CYP4A11: variants seen among roughly 807,000 people sequenced by gnomAD.
CYP4A11 encodes cytochrome P450 family 4 subfamily A member 11, also known as cytochrome P450 4A11.
CYP4A11 carries 52 observed loss-of-function variants against 57.7 expected under a neutral mutation model. That is an observed-to-expected ratio of 0.90 (90% CI 0.72 to 1.14). The LOEUF (loss-of-function observed/expected upper bound fraction) is 1.14, where lower values mean the gene tolerates loss of function less well. Ranked by LOEUF, CYP4A11 falls within the 50% of genes most tolerant of loss-of-function variation. CYP4A11 has a pLI of 0.00. For missense variants in CYP4A11, 641 were observed against 642.1 expected (o/e 1.00, Z 0.02); for synonymous variants, 228 against 247.1 (o/e 0.92, Z 0.72).
chr1:46,935,642 T>G lies in CYP4A11; in HGVS notation c.516A>C (p.Lys172Asn). The part of the protein sequence containing the change: ...MADSVRVMLD[K>N]WEELLGQDSP... Reference sequence around the variant, plus strand: ...AATCCTGGCCAAGGAGCTCTTCCCATTTGTCCTGTGGTGGGAGGGGGCATG... The same window carrying G: ...AATCCTGGCCAAGGAGCTCTTCCCAGTTGTCCTGTGGTGGGAGGGGGCATG... Residue 172 changes from lysine to asparagine, a missense_variant, in exon 5 of 12, where the codon AAA (lysine) becomes AAC (asparagine). Coordinates refer to ENST00000310638, the MANE Select transcript of CYP4A11 (RefSeq NM_000778.4). 2 of 1,613,366 alleles carry G rather than the reference T, an allele frequency of 1.2e-6. No individual in the cohort carries two copies. Among genetic ancestry groups the G allele is most frequent in the East Asian group, 4.5e-5 (2 of 44,866 alleles).
intron 9 of CYP4A11, among the ~76,000 whole-genome samples, chr1:46,933,453 A>G (rs527744533): frequency 3.3e-5 from 5 of 152,306 alleles, no homozygotes; most frequent in East Asian, 1.9e-4. Flanking sequence ...TGTCTTGTCT[A>G]TGTTCACACA....
intron 9 of CYP4A11, 118 bp downstream of exon 9, chr1:46,933,828 T>G (rs533594277): frequency 1.4e-6 from 2 of 1,456,962 alleles, no homozygotes; most frequent in East Asian, 4.8e-5. Context: ...ATGTTTTTGA[T>G]TTTTTTAGAA....
At chr1:46,933,826 G>A (rs1454436144) in intron 9 of CYP4A11, 120 bp downstream of exon 9, 6 of 1,452,122 alleles carry the variant, frequency 4.1e-6, no homozygotes, top group East Asian at 4.8e-5. Flanking sequence ...GTATGTTTTT[G>A]ATTTTTTTAG....
At position 46,933,062 on chromosome 1, in the gene CYP4A11, G is replaced by T. The variant is rs1467447424; in HGVS notation, c.1223-15C>A. 6.2e-7 allele frequency: 1 copy of T among 1,614,012 alleles called. No individual in the cohort carries two copies. Among genetic ancestry groups the T allele is most frequent in the Admixed American group, 1.7e-5 (1 of 60,006 alleles). The stretch of plus-strand genomic sequence containing the variant: ...GACCATGATACCTGTGGTGCAGGTT[G>T]GAAACAGAGAGAAGACCAATCATTT... On this transcript the variant is annotated splice_polypyrimidine_tract_variant and intron_variant, in intron 9 of 11. Transcript: ENST00000310638.
chr1:46,931,527 G>C, intron 11 of CYP4A11: 2 of 788,086 alleles, frequency 2.5e-6, no homozygotes, highest in Non-Finnish European at 3.1e-6. Flanking sequence ...TTCTATATTT[G>C]AATGATGTTA....
chr1:46,939,526 C>T (rs1042358110), intron 1 of CYP4A11, among the ~76,000 whole-genome samples: 1 of 152,184 alleles, frequency 6.6e-6, no homozygotes, highest in Non-Finnish European at 1.5e-5. Flanking sequence ...TCATCATTTA[C>T]TGAGGGACTA....
chr1:46,941,149 A>G, intron 1 of CYP4A11, 90 bp downstream of exon 1: 2 of 1,520,818 alleles, frequency 1.3e-6, no homozygotes, highest in South Asian at 1.3e-5. Flanking sequence ...TTTGTTACAA[A>G]ACAAGGCTTT....
At position 46,934,167 on chromosome 1, in the gene CYP4A11, C is replaced by T. The variant is rs1444753268; in HGVS notation, c.1088+9G>A. ...GGCAGGGAACCCCATCTTTTGAGCC[C>T]TCACTCACCAGGTGATGGAGGCTCC... On this transcript the variant is annotated intron_variant, in intron 8 of 11. Transcript: ENST00000310638. The T allele has an allele frequency of 2.5e-6, 4 of 1,613,300 alleles. No homozygotes were observed. Among genetic ancestry groups the T allele is most frequent in the Non-Finnish European group, 3.4e-6 (4 of 1,179,676 alleles).
At chr1:46,932,253 T>C in intron 11 of CYP4A11, 1 of 1,001,302 alleles carries the variant, frequency 1.0e-6, no homozygotes, top group African/African-American at 1.7e-5. Context: ...ACTTGAAAGG[T>C]AGGACTTGCA....
At chr1:46,936,834 TGTGTG>T (rs1681434943) in intron 3 of CYP4A11, 43 bp from the exon 4 acceptor site, 1 of 1,569,740 alleles carries the variant, frequency 6.4e-7, no homozygotes, top group African/African-American at 1.4e-5. Context: ...TGTGTGTGTG[TGTGTG>T]TGTGTCAGGG....
chr1:46,929,297 G>A lies in CYP4A11; in HGVS notation c.*818C>T, dbSNP rs1680869268. Reference sequence around the variant, plus strand: ...GGGCAGACAGTCTGGAGGGCAGGCAGGAGTTTGGGAGGTGGGTGGAGATTC... The same window carrying A: ...GGGCAGACAGTCTGGAGGGCAGGCAAGAGTTTGGGAGGTGGGTGGAGATTC... On this transcript the variant is annotated 3_prime_UTR_variant, in exon 12 of 12. Coordinates refer to ENST00000310638, the MANE Select transcript of CYP4A11 (RefSeq NM_000778.4). The A allele has an allele frequency of 6.6e-6, 1 of 152,136 alleles. No homozygotes were observed. The highest frequency in any genetic ancestry group is 1.5e-5 in the Non-Finnish European group (1 of 68,042). 9.4% of individuals were successfully genotyped at this position (152,136 alleles called of 1,614,324 possible). A position where few individuals can be genotyped will look rare whatever the true frequency, so the allele number is the denominator to read the frequency against.
chr1:46,939,007 T>G (rs958640247), intron 1 of CYP4A11, among the ~76,000 whole-genome samples: 1 of 152,094 alleles, frequency 6.6e-6, no homozygotes, highest in Non-Finnish European at 1.5e-5. Context: ...CTCTTTTCTC[T>G]ACCTTGAATG....
intron 1 of CYP4A11, chr1:46,940,977 C>T (rs757130567): frequency 2.7e-4 from 265 of 985,390 alleles, no homozygotes; most frequent in Non-Finnish European, 3.2e-4. Flanking sequence ...CATTGCCCTC[C>T]ACATGCAGGA....
Position 46,933,775 on chromosome 1 carries a change from C to T in CYP4A11, c.1222+171G>A, listed in dbSNP as rs554037862. The T allele has an allele frequency of 4.3e-5, 51 of 1,192,644 alleles. 1 individual carries two copies. Among genetic ancestry groups the T allele is most frequent in the South Asian group, 8.3e-5 (5 of 60,374 alleles). 73.9% of individuals were successfully genotyped at this position (1,192,644 alleles called of 1,614,324 possible). On this transcript the variant is annotated intron_variant, in intron 9 of 11. Transcript: ENST00000310638. ...TTCTTGAACTTTTGGTGGGTTCAAGCTCTCAGCCAGACTTTTCAAATTCTT... is the reference window on the plus strand; with the variant it reads ...TTCTTGAACTTTTGGTGGGTTCAAGTTCTCAGCCAGACTTTTCAAATTCTT...
At chr1:46,936,851 C>T in intron 3 of CYP4A11, 60 bp from the exon 4 acceptor site, 2 of 1,538,220 alleles carry the variant, frequency 1.3e-6, no homozygotes, top group South Asian at 1.3e-5. Context: ...GTGTCAGGGG[C>T]TGCAAGGAGC....
intron 11 of CYP4A11, chr1:46,932,048 T>C: frequency 1.0e-6 from 1 of 981,918 alleles, no homozygotes; most frequent in Non-Finnish European, 1.2e-6. Context: ...AATATTGTGC[T>C]AAGTGGATTA....
In CYP4A11 at chr1:46,941,465, C is replaced by G. The variant is rs1681752520; in HGVS notation, c.-32G>C. 60 of 1,603,316 alleles carry G rather than the reference C, an allele frequency of 3.7e-5. No individual in the cohort carries two copies. The highest frequency in any genetic ancestry group is 5.0e-5 in the Non-Finnish European group (59 of 1,173,316). On this transcript the variant is annotated 5_prime_UTR_variant, in exon 1 of 12. Coordinates refer to ENST00000310638, the MANE Select transcript of CYP4A11 (RefSeq NM_000778.4). Reference sequence around the variant, plus strand: ...GCACCTGCTGGATCTCTGAGTGCCCCTACCTCTCTCTGACCACCCCCGTCC... The same window carrying G: ...GCACCTGCTGGATCTCTGAGTGCCCGTACCTCTCTCTGACCACCCCCGTCC...
intron 2 of CYP4A11, among the ~76,000 whole-genome samples, chr1:46,937,580 T>C (rs1344706429): frequency 1.3e-5 from 2 of 152,170 alleles, no homozygotes; most frequent in Non-Finnish European, 2.9e-5. Context: ...GTGAGAAACA[T>C]AGGCTAGGTC....
At chr1:46,937,646 A>G (rs1010024666) in intron 2 of CYP4A11, among the ~76,000 whole-genome samples, 1 of 152,232 alleles carries the variant, frequency 6.6e-6, no homozygotes, top group African/African-American at 2.4e-5. Context: ...ATGATTTCCT[A>G]GTCACCTCCT....
Sources: allele counts gnomAD v4.1 joint callset (sites outside exome capture counted in the v4.1 genomes callset), GRCh38; gene constraint gnomAD v4.1.1; transcripts MANE v1.5; gene names NCBI Gene and HGNC (gene_info 2026-07-23, HGNC 2026-07-21).